LTBP1: variants seen among roughly 807,000 people sequenced by gnomAD.
LTBP1 encodes latent-transforming growth factor beta-binding protein 1.
LTBP1 carries 129 observed loss-of-function variants against 207.6 expected under a neutral mutation model. The observed-to-expected ratio is 0.62, with a 90% confidence interval of 0.54 to 0.72. The LOEUF (loss-of-function observed/expected upper bound fraction) is 0.72, where lower values mean the gene tolerates loss of function less well. Among genes scored for constraint, LTBP1 ranks in the 30% least tolerant of loss-of-function variants. LTBP1 has a pLI of 0.00. For synonymous variants in LTBP1, 963 were observed against 833.7 expected (o/e 1.16, Z -2.67); for missense variants, 2,281 against 2,217.2 (o/e 1.03, Z -0.58).
At chr2:33,273,914 C>A in intron 16 of LTBP1, 133 bp downstream of exon 16, 1 of 639,576 alleles carries the variant, frequency 1.6e-6, no homozygotes, top group Non-Finnish European at 2.3e-6. Flanking sequence ...TATCCCTTAG[C>A]TAAGGGAGCT....
chr2:33,001,933 G>A (rs891143601), intron 2 of LTBP1, among the ~76,000 whole-genome samples: 1 of 134,660 alleles, frequency 7.4e-6, no homozygotes, highest in African/African-American at 2.6e-5. Flanking sequence ...CATCCTTTCA[G>A]TCTTAGACGC....
At chr2:33,192,625 T>TA (rs1491074478) in intron 7 of LTBP1, among the ~76,000 whole-genome samples, 7 of 151,992 alleles carry the variant, frequency 4.6e-5, no homozygotes, top group Admixed American at 1.3e-4. Flanking sequence ...CTTGATTTTT[T>TA]AAAAAAAAGC....
chr2:32,989,225 TATTA>T (rs1238396403), intron 2 of LTBP1, among the ~76,000 whole-genome samples: 2 of 152,232 alleles, frequency 1.3e-5, no homozygotes, highest in African/African-American at 4.8e-5. Flanking sequence ...GATTTTAACT[TATTA>T]ATTAATGTGG....
chr2:32,966,148 T>C (rs889367107), intron 2 of LTBP1, among the ~76,000 whole-genome samples: 9 of 152,200 alleles, frequency 5.9e-5, no homozygotes, highest in Non-Finnish European at 1.2e-4. Flanking sequence ...AAGGTATTTG[T>C]TCAGGTCTTT....
chr2:32,995,721 C>T (rs1481500938), intron 2 of LTBP1, among the ~76,000 whole-genome samples: 1 of 152,010 alleles, frequency 6.6e-6, no homozygotes, highest in African/African-American at 2.4e-5. Context: ...TCCAGGAGGC[C>T]AAGCCTGCAG....
intron 3 of LTBP1, among the ~76,000 whole-genome samples, chr2:33,034,980 G>T (rs1366434687): frequency 2.0e-5 from 3 of 152,098 alleles, no homozygotes; most frequent in Non-Finnish European, 4.4e-5. Context: ...TGAAGAGGGG[G>T]GTTTAACTCC....
chr2:33,330,300 A>G (rs946204902), intron 24 of LTBP1, among the ~76,000 whole-genome samples: 1 of 152,016 alleles, frequency 6.6e-6, no homozygotes, highest in African/African-American at 2.4e-5. Context: ...ATATACAATT[A>G]TGTTGTATAA....
chr2:33,113,558 T>G (rs2080540317), intron 4 of LTBP1, among the ~76,000 whole-genome samples: 2 of 152,330 alleles, frequency 1.3e-5, no homozygotes, highest in East Asian at 3.9e-4. Flanking sequence ...TTCCCACAGT[T>G]TTGATAATAC....
rs533269475 is a variant in LTBP1 at position 33,228,740 on chromosome 2, G to A, written c.1876+6589G>A. Among the ~76,000 whole-genome samples, 59 of 98,418 alleles carry A rather than the reference G, an allele frequency of 6.0e-4. 1 individual carries two copies. The highest frequency in any genetic ancestry group is 0.023 in the Middle Eastern group (2 of 88). 64.6% of individuals were successfully genotyped at this position (98,418 alleles called of 152,430 possible). On this transcript the variant is annotated intron_variant, in intron 9 of 33. Coordinates refer to ENST00000404816, the MANE Select transcript of LTBP1 (RefSeq NM_206943.4). ...TTTTGAGATGGAGTCTTACTCTGTC[G>A]CCAGGCTGGAGTGCAGTGGTGCAAT...
chr2:32,990,454 T>C (rs902016184), intron 2 of LTBP1, among the ~76,000 whole-genome samples: 4 of 152,194 alleles, frequency 2.6e-5, no homozygotes, highest in Non-Finnish European at 5.9e-5. Flanking sequence ...CCATGTAAAA[T>C]GCACTTAGAA....
intron 3 of LTBP1, among the ~76,000 whole-genome samples, chr2:33,058,116 C>T (rs772078569): frequency 4.6e-5 from 7 of 152,136 alleles, no homozygotes; most frequent in South Asian, 2.1e-4. Flanking sequence ...CAATTCATTG[C>T]GGGCCATTTA....
At chr2:33,055,675 A>G (rs942401130) in intron 3 of LTBP1, among the ~76,000 whole-genome samples, 4 of 152,178 alleles carry the variant, frequency 2.6e-5, no homozygotes, top group Non-Finnish European at 5.9e-5. Context: ...AGTGAGGTCA[A>G]AGGTTTGCCC....
chr2:33,080,629 G>A (rs1315785534), intron 3 of LTBP1, among the ~76,000 whole-genome samples: 1 of 152,074 alleles, frequency 6.6e-6, no homozygotes, highest in Non-Finnish European at 1.5e-5. Flanking sequence ...TTTGAAAGCA[G>A]TTTTTTTCTT....
chr2:33,017,476 G>A (rs1414462522), intron 2 of LTBP1, among the ~76,000 whole-genome samples: 5 of 152,162 alleles, frequency 3.3e-5, no homozygotes, highest in South Asian at 2.1e-4. Flanking sequence ...AAGTTTTCCC[G>A]GATGATACTG....
intron 24 of LTBP1, among the ~76,000 whole-genome samples, chr2:33,340,257 CA>C (rs1198759101): frequency 0.021 from 1,920 of 89,854 alleles, 15 homozygotes; most frequent in East Asian, 0.04. Flanking sequence ...GACTCTGTCT[CA>C]AAAAAAAAAA....
At chr2:33,100,034 G>C (rs1441469900) in intron 3 of LTBP1, among the ~76,000 whole-genome samples, 1 of 152,234 alleles carries the variant, frequency 6.6e-6, no homozygotes, top group African/African-American at 2.4e-5. Flanking sequence ...CTACAGCAAT[G>C]CAGTGGGAGA....
intron 24 of LTBP1, among the ~76,000 whole-genome samples, chr2:33,324,896 A>G (rs979815361): frequency 6.6e-6 from 1 of 151,988 alleles, no homozygotes. Flanking sequence ...TAGTAGAGAC[A>G]GGGTTTCACT....
At chr2:33,246,725 A>T (rs1021274645) in intron 10 of LTBP1, among the ~76,000 whole-genome samples, 10 of 152,146 alleles carry the variant, frequency 6.6e-5, no homozygotes, top group African/African-American at 2.4e-4. Context: ...TCTTGAATGC[A>T]CTGAACTGAG....
At chr2:33,024,141 AG>A (rs964765880) in intron 3 of LTBP1, among the ~76,000 whole-genome samples, 6 of 152,258 alleles carry the variant, frequency 3.9e-5, no homozygotes, top group Non-Finnish European at 7.3e-5. Flanking sequence ...AGCTAAGGAT[AG>A]ATAACACTAG....
Sources: gnomAD v4.1 joint callset for allele counts (sites outside exome capture counted in the v4.1 genomes callset) on GRCh38, gnomAD v4.1.1 for gene constraint, MANE v1.5 for transcripts, NCBI Gene and HGNC (gene_info 2026-07-23, HGNC 2026-07-21) for gene names.